Variants in ENOX1 observed in about 807,000 individuals in gnomAD.
ENOX1 encodes candidate growth-related and time keeping constitutive hydroquinone (NADH) oxidase.
Under a neutral mutation model 82.5 loss-of-function variants are expected in ENOX1, and 42 were observed. The ratio of observed to expected loss-of-function variants is 0.51; its 90% CI spans 0.40 to 0.66. The LOEUF is 0.66. Ranked by LOEUF, ENOX1 falls within the 30% of genes least tolerant of loss-of-function variation. The pLI, the probability that ENOX1 is intolerant of heterozygous loss-of-function variation, is 0.00. For missense variants in ENOX1, 608 were observed against 811.6 expected (o/e 0.75, Z 3.05); for synonymous variants, 271 against 282.2 (o/e 0.96, Z 0.40).
intron 14 of ENOX1, among the ~76,000 whole-genome samples, chr13:43,241,131 T>C (rs1267694287): frequency 4.6e-5 from 7 of 152,208 alleles, no homozygotes; most frequent in Non-Finnish European, 7.4e-5. Context: ...CATTGAATCA[T>C]AAATTACACA....
chr13:43,517,806 T>C (rs1235845006), intron 2 of ENOX1, among the ~76,000 whole-genome samples: 1 of 152,142 alleles, frequency 6.6e-6, no homozygotes, highest in East Asian at 1.9e-4. Flanking sequence ...ATTAGTGCTC[T>C]TATGAAAGAA....
At chr13:43,752,317 C>G (rs1950367746) in intron 1 of ENOX1, among the ~76,000 whole-genome samples, 1 of 151,508 alleles carries the variant, frequency 6.6e-6, no homozygotes, top group Admixed American at 6.6e-5. Context: ...ATATTTTCTC[C>G]CAATCTGTGG....
At chr13:43,445,842 C>T (rs959312288) in intron 3 of ENOX1, among the ~76,000 whole-genome samples, 2 of 152,182 alleles carry the variant, frequency 1.3e-5, no homozygotes, top group African/African-American at 2.4e-5. Flanking sequence ...CTGGGTGTGA[C>T]GCAAGCAATT....
intron 5 of ENOX1, among the ~76,000 whole-genome samples, chr13:43,404,425 T>G (rs1338433493): frequency 6.6e-6 from 1 of 152,210 alleles, no homozygotes; most frequent in South Asian, 2.1e-4. Context: ...TTTAGAACTT[T>G]CTCATCTTTT....
At chr13:43,738,026 A>G (rs1043739947) in intron 1 of ENOX1, among the ~76,000 whole-genome samples, 2 of 152,194 alleles carry the variant, frequency 1.3e-5, no homozygotes, top group East Asian at 1.9e-4. Flanking sequence ...TTAGACCCAA[A>G]TCACCATAAT....
intron 3 of ENOX1, among the ~76,000 whole-genome samples, chr13:43,447,470 G>T (rs555659910): frequency 2.0e-5 from 3 of 152,030 alleles, no homozygotes; most frequent in Non-Finnish European, 4.4e-5. Flanking sequence ...GATGGACAGG[G>T]ACCACAATAG....
intron 2 of ENOX1, among the ~76,000 whole-genome samples, chr13:43,597,844 G>T (rs562003841): frequency 1.1e-4 from 16 of 152,232 alleles, no homozygotes; most frequent in Admixed American, 1.0e-3. Context: ...CTTCTCTATT[G>T]TTCCTCAAAC....
At chr13:43,468,787 A>G (rs767144687) in intron 3 of ENOX1, among the ~76,000 whole-genome samples, 10 of 152,142 alleles carry the variant, frequency 6.6e-5, no homozygotes, top group Non-Finnish European at 1.2e-4. Flanking sequence ...ATCTCTTTCA[A>G]TGATGCTTTG....
chr13:43,374,991 C>T (rs1273743492), intron 5 of ENOX1, among the ~76,000 whole-genome samples: 1 of 152,168 alleles, frequency 6.6e-6, no homozygotes, highest in Admixed American at 6.5e-5. Context: ...GAGGCTGCAA[C>T]CTGCCTATTT....
chr13:43,652,711 CACA>C (rs966840967), intron 2 of ENOX1, among the ~76,000 whole-genome samples: 34 of 152,258 alleles, frequency 2.2e-4, no homozygotes, highest in African/African-American at 7.7e-4. Flanking sequence ...TCTAGAGTTT[CACA>C]GTGCAAGATG....
intron 12 of ENOX1, among the ~76,000 whole-genome samples, chr13:43,271,448 T>C (rs2044676550): frequency 6.6e-6 from 1 of 152,146 alleles, no homozygotes; most frequent in Non-Finnish European, 1.5e-5. Flanking sequence ...GGTTCATGTA[T>C]CTTTCTTTTT....
At chr13:43,456,768 A>G (rs1199023180) in intron 3 of ENOX1, among the ~76,000 whole-genome samples, 1 of 152,110 alleles carries the variant, frequency 6.6e-6, no homozygotes, top group Non-Finnish European at 1.5e-5. Context: ...AGTCAGTGTG[A>G]GCTAGGGAGG....
chr13:43,483,899 A>T, intron 3 of ENOX1, 110 bp downstream of exon 3: 2 of 561,898 alleles, frequency 3.6e-6, no homozygotes, highest in Non-Finnish European at 4.5e-6. Flanking sequence ...AAATCTGTTT[A>T]AAATCTACCC....
chr13:43,704,598 A>G (rs1346919493), intron 1 of ENOX1, among the ~76,000 whole-genome samples: 1 of 152,216 alleles, frequency 6.6e-6, no homozygotes, highest in Non-Finnish European at 1.5e-5. Context: ...AGGCTGCCAG[A>G]GCACTGCAAA....
chr13:43,348,539 T>C lies in ENOX1; in HGVS notation c.824-3789A>G, dbSNP rs902678534. 2.0e-5 allele frequency among the ~76,000 whole-genome samples: 3 copies of C among 152,322 alleles called. No individual in the cohort carries two copies. In the South Asian group the frequency reaches 6.2e-4, roughly 32 times the overall value. On this transcript the variant is annotated intron_variant, in intron 8 of 16. Transcript: ENST00000690772. ...AAAATAGTAAATGCAAAATTGCAGA[T>C]ACAAGCAATTCATACATTTTAAATT...
chr13:43,458,054 C>A (rs1011514738), intron 3 of ENOX1, among the ~76,000 whole-genome samples: 1 of 152,136 alleles, frequency 6.6e-6, no homozygotes, highest in Admixed American at 6.5e-5. Flanking sequence ...ATAAATTTGT[C>A]TAGCTCAAAT....
intron 2 of ENOX1, among the ~76,000 whole-genome samples, chr13:43,538,032 A>G (rs996894037): frequency 1.3e-5 from 2 of 152,218 alleles, no homozygotes; most frequent in African/African-American, 4.8e-5. Context: ...CAGCCTCTCC[A>G]GATCTATGAC....
rs1398153164 is a variant in ENOX1 at position 43,623,504 on chromosome 13, C to T, written c.-219+43975G>A. On this transcript the variant is annotated intron_variant, in intron 2 of 16. Coordinates refer to ENST00000690772, the MANE Select transcript of ENOX1 (RefSeq NM_001347969.2). ...CAGGTAAACTCGGAAACTTCTTCCA[C>T]GAACAGACCTTCAGCTTCTCCAGTG... Among the ~76,000 whole-genome samples, 4 of 152,254 alleles carry T rather than the reference C, an allele frequency of 2.6e-5. No homozygotes were observed. In the East Asian group the frequency reaches 5.8e-4, roughly 22 times the overall value.
chr13:43,350,645 A>G (rs1023242778), intron 8 of ENOX1, among the ~76,000 whole-genome samples: 1 of 152,112 alleles, frequency 6.6e-6, no homozygotes, highest in Admixed American at 6.5e-5. Flanking sequence ...GGGTTTCTCC[A>G]TGTTGGTCAG....
Sources: gnomAD v4.1 joint callset for allele counts (sites outside exome capture counted in the v4.1 genomes callset) on GRCh38, gnomAD v4.1.1 for gene constraint, MANE v1.5 for transcripts, NCBI Gene and HGNC (gene_info 2026-07-23, HGNC 2026-07-21) for gene names.